SOX5: variants seen among roughly 807,000 people sequenced by gnomAD.
SOX5 encodes SRY-box transcription factor 5.
A neutral mutation model predicts 92.0 loss-of-function variants in SOX5; 9 were observed. The ratio of observed to expected loss-of-function variants is 0.10; its 90% CI spans 0.06 to 0.17. The LOEUF (loss-of-function observed/expected upper bound fraction) is 0.17, where lower values mean the gene tolerates loss of function less well. Among genes scored for constraint, SOX5 ranks in the 10% least tolerant of loss-of-function variants. The pLI, the probability that SOX5 is intolerant of heterozygous loss-of-function variation, is 1.00. For synonymous variants in SOX5, 344 were observed against 336.3 expected, an observed-to-expected ratio of 1.02 and a Z score of -0.25; for missense variants, 642 against 944.5, an observed-to-expected ratio of 0.68 and a Z score of 4.20.
chr12:23,940,535 A>C (rs1943423543), intron 1 of SOX5, among the ~76,000 whole-genome samples: 1 of 151,292 alleles, frequency 6.6e-6, no homozygotes, highest in Admixed American at 6.6e-5. Context: ...TTTAGAAATT[A>C]TCCATCCTAT....
intron 1 of SOX5, among the ~76,000 whole-genome samples, chr12:23,921,861 C>T (rs1298181631): frequency 6.6e-6 from 1 of 152,206 alleles, no homozygotes; most frequent in Non-Finnish European, 1.5e-5. Context: ...AGAATCCAAA[C>T]CGGAAAACAG....
intron 3 of SOX5, among the ~76,000 whole-genome samples, chr12:23,836,164 A>G (rs1381990572): frequency 5.3e-5 from 8 of 151,910 alleles, no homozygotes; most frequent in African/African-American, 1.9e-4. Context: ...TATGTGTCAC[A>G]TAACGTCATA....
chr12:24,148,374 A>C lies in SOX5; in HGVS notation c.-2+64969T>G, dbSNP rs565089986. ...GCTGGGTGTGGTGATGTGCACCTGT[A>C]ATCCCAGCTACTCAGGAAGCTGAGG... On this transcript the variant is annotated intron_variant, in intron 4 of 4. Transcript: ENST00000446891. Among the ~76,000 whole-genome samples, 785 of 151,712 alleles carry C rather than the reference A, an allele frequency of 5.2e-3. 8 individuals carry two copies. The highest frequency in any genetic ancestry group is 0.018 in the African/African-American group (730 of 41,374).
intron 4 of SOX5, among the ~76,000 whole-genome samples, chr12:23,979,962 CAGAT>C (rs199749250): frequency 3.0e-5 from 4 of 135,542 alleles, no homozygotes; most frequent in East Asian, 2.1e-4. Context: ...GACAGACAGA[CAGAT>C]AGATAGACAG....
intron 1 of SOX5, among the ~76,000 whole-genome samples, chr12:24,372,271 C>T (rs1377772407): frequency 6.6e-6 from 1 of 152,120 alleles, no homozygotes; most frequent in Non-Finnish European, 1.5e-5. Context: ...TCTCCTAATG[C>T]TATCCCCACT....
chr12:23,635,184 G>A (rs1460317452), intron 8 of SOX5, among the ~76,000 whole-genome samples: 1 of 152,146 alleles, frequency 6.6e-6, no homozygotes, highest in East Asian at 1.9e-4. Context: ...CCTGAAACCT[G>A]AGGGGTAAGT....
chr12:24,027,790 C>T (rs1179593133), intron 4 of SOX5, among the ~76,000 whole-genome samples: 1 of 151,784 alleles, frequency 6.6e-6, no homozygotes, highest in Admixed American at 6.6e-5. Context: ...GTCATGAATC[C>T]ACTCCTTCAC....
In SOX5 at chr12:23,595,658, G is replaced by A. The variant is rs146614414; in HGVS notation, c.1164+8729C>T. ...AAAAAAAAAAAAAATGTGACCGAAT[G>A]TACTTCCATTTTCTATCACTTGCAA... On this transcript the variant is annotated intron_variant, in intron 9 of 14. Transcript: ENST00000451604. Among the ~76,000 whole-genome samples, 571 of 144,182 alleles carry A rather than the reference G, an allele frequency of 4.0e-3. 5 individuals are homozygous for A. Among genetic ancestry groups the A allele is most frequent in the African/African-American group, 0.014 (544 of 39,028 alleles). The allele number at this position is 144,182 out of a possible 152,430, so 94.6% of individuals were successfully genotyped here.
chr12:23,855,625 G>C (rs749341241), intron 2 of SOX5, among the ~76,000 whole-genome samples: 1 of 151,982 alleles, frequency 6.6e-6, no homozygotes, highest in Non-Finnish European at 1.5e-5. Flanking sequence ...CCACTAGACT[G>C]TCTGGCAAAT....
intron 1 of SOX5, among the ~76,000 whole-genome samples, chr12:24,412,426 A>C (rs1318041572): frequency 1.3e-5 from 2 of 152,004 alleles, no homozygotes; most frequent in Non-Finnish European, 2.9e-5. Flanking sequence ...GTGTGCCATA[A>C]ACTTCCCTCT....
intron 2 of SOX5, among the ~76,000 whole-genome samples, chr12:24,342,114 T>C (rs1952644382): frequency 6.6e-6 from 1 of 152,230 alleles, no homozygotes; most frequent in Non-Finnish European, 1.5e-5. Context: ...TTTTCAATTC[T>C]TTCTGCCAAC....
chr12:24,061,752 A>G, intron 4 of SOX5, among the ~76,000 whole-genome samples: 1 of 119,710 alleles, frequency 8.4e-6, no homozygotes, highest in East Asian at 4.2e-4. Context: ...CAGAAAAAAA[A>G]AAAAAAAAAA....
intron 4 of SOX5, among the ~76,000 whole-genome samples, chr12:24,146,555 C>A (rs1039753630): frequency 6.6e-6 from 1 of 151,666 alleles, no homozygotes; most frequent in African/African-American, 2.4e-5. Flanking sequence ...CCATGACCTC[C>A]GTTTCCACTG....
intron 4 of SOX5, among the ~76,000 whole-genome samples, chr12:24,180,565 T>C (rs1004625609): frequency 6.6e-6 from 1 of 152,168 alleles, no homozygotes; most frequent in African/African-American, 2.4e-5. Context: ...TTGACAGCAA[T>C]GGGGTATGCA....
chr12:24,438,410 C>T (rs898795078), intron 1 of SOX5, among the ~76,000 whole-genome samples: 6 of 151,886 alleles, frequency 4.0e-5, no homozygotes, highest in Admixed American at 3.9e-4. Context: ...TGTACATGTA[C>T]CCCAGGACTT....
chr12:23,963,667 C>A (rs922327901), intron 4 of SOX5, among the ~76,000 whole-genome samples: 1 of 137,106 alleles, frequency 7.3e-6, no homozygotes, highest in Admixed American at 8.0e-5. Context: ...GAATGAAGTA[C>A]AAAAAAATTG....
chr12:24,210,742 A>G (rs543988941), intron 4 of SOX5, among the ~76,000 whole-genome samples: 57 of 152,024 alleles, frequency 3.7e-4, no homozygotes, highest in African/African-American at 1.3e-3. Flanking sequence ...AAAGACATGG[A>G]AAAGAAAAAG....
At chr12:23,958,342 T>G (rs945071428) in intron 4 of SOX5, among the ~76,000 whole-genome samples, 1 of 152,098 alleles carries the variant, frequency 6.6e-6, no homozygotes, top group Non-Finnish European at 1.5e-5. Flanking sequence ...CTGACCATCT[T>G]TTCTGGGCAG....
intron 1 of SOX5, among the ~76,000 whole-genome samples, chr12:24,527,929 C>T (rs776666490): frequency 6.6e-6 from 1 of 152,220 alleles, no homozygotes; most frequent in Non-Finnish European, 1.5e-5. Context: ...ATGAAGTTTA[C>T]ATGATGTTTT....
Sources: gnomAD v4.1 joint callset for allele counts (sites outside exome capture counted in the v4.1 genomes callset) on GRCh38, gnomAD v4.1.1 for gene constraint, MANE v1.5 for transcripts, NCBI Gene and HGNC (gene_info 2026-07-23, HGNC 2026-07-21) for gene names.